MUC7: variants seen among roughly 807,000 people sequenced by gnomAD.
The protein encoded by MUC7 is mucin-7.
Under a neutral mutation model 2.5 loss-of-function variants are expected in MUC7, and 2 were observed. The ratio of observed to expected loss-of-function variants is 0.81; its 90% CI spans 0.33 to 2.55. The LOEUF (loss-of-function observed/expected upper bound fraction) is 2.55, where lower values mean the gene tolerates loss of function less well. Ranked by LOEUF, MUC7 falls within the 30% of genes most tolerant of loss-of-function variation. MUC7 has a pLI of 0.11. For synonymous variants in MUC7, 133 were observed against 173.4 expected (o/e 0.77, Z 1.83); for missense variants, 408 against 455.6 (o/e 0.90, Z 0.95).
intron 2 of MUC7, among the ~76,000 whole-genome samples, chr4:70,476,335 T>C (rs1209906323): frequency 6.6e-6 from 1 of 152,180 alleles, no homozygotes; most frequent in Non-Finnish European, 1.5e-5. Flanking sequence ...ACACAAGTCA[T>C]GTTATTGTGA....
intron 1 of MUC7, among the ~76,000 whole-genome samples, chr4:70,455,336 T>C (rs1274742434): frequency 6.6e-6 from 1 of 152,216 alleles, no homozygotes; most frequent in African/African-American, 2.4e-5. Flanking sequence ...TTTTATCATA[T>C]TTTAAGTCAT....
intron 1 of MUC7, among the ~76,000 whole-genome samples, chr4:70,439,637 C>T (rs1011241772): frequency 1.9e-4 from 29 of 151,840 alleles, no homozygotes; most frequent in African/African-American, 6.3e-4. Flanking sequence ...TGATTTTGTT[C>T]ACACTTTTCC....
chr4:70,430,818 T>C (rs1232543820), intron 1 of MUC7: 1 of 152,182 alleles, frequency 6.6e-6, no homozygotes, highest in Non-Finnish European at 1.5e-5. Context: ...TTCTTCTAGA[T>C]TAAAATATGG....
intron 1 of MUC7, among the ~76,000 whole-genome samples, chr4:70,460,243 G>A (rs1041912437): frequency 3.9e-5 from 6 of 152,114 alleles, no homozygotes; most frequent in African/African-American, 1.2e-4. Context: ...TAGGATAGAA[G>A]ATTAAATTGT....
Position 70,481,514 on chromosome 4 carries a change from C to A in MUC7, c.770C>A (p.Thr257Asn). The A allele has an allele frequency of 6.2e-7, 1 of 1,606,500 alleles. No homozygotes were observed. The highest frequency in any genetic ancestry group is 8.5e-7 in the Non-Finnish European group (1 of 1,177,212). ...CTATCTTCCTCAGCTCCACCAGAGA[C>A]CACAGCTGTCCCACCCACACCTTCT... ...APLSSSAPPE[T>N]TAVPPTPSAT... Residue 257 changes from threonine (T) to asparagine (N), a missense_variant, in exon 3 of 3, where the codon ACC (threonine) becomes AAC (asparagine). Thr to Asn is a moderately conservative substitution (Grantham distance 65). This residue lies in a region of MUC7 where 175 missense variants were observed against 187.1 expected (regional missense o/e 0.94). Coordinates refer to ENST00000304887, the MANE Select transcript of MUC7 (RefSeq NM_152291.3).
Position 70,481,475 on chromosome 4 carries a change from C to G in MUC7, c.731C>G (p.Thr244Ser). ...TTAAPPTPSA[T>S]TPAPLSSSAP... ...GCTGCCCCACCCACACCTTCTGCAACTACACCAGCTCCACTATCTTCCTCA... is the reference window on the plus strand; with the variant it reads ...GCTGCCCCACCCACACCTTCTGCAAGTACACCAGCTCCACTATCTTCCTCA... The change falls in exon 3 of 3, where the codon ACT (threonine) becomes AGT (serine). Residue 244 changes from threonine (T) to serine (S), a missense_variant. Around this residue, in one of 3 missense-constraint regions of MUC7, gnomAD observed 175 missense variants for 187.1 expected, o/e 0.94. Transcript: ENST00000304887. 2.0e-6 allele frequency: 3 copies of G among 1,501,754 alleles called. No homozygotes were observed. The highest frequency in any genetic ancestry group is 2.7e-6 in the Non-Finnish European group (3 of 1,120,380). 93.0% of individuals were successfully genotyped at this position (1,501,754 alleles called of 1,614,324 possible). A position where few individuals can be genotyped will look rare whatever the true frequency, so the allele number is the denominator to read the frequency against.
At chr4:70,480,054 C>T (rs115690560) in intron 2 of MUC7, among the ~76,000 whole-genome samples, 1 of 152,184 alleles carries the variant, frequency 6.6e-6, no homozygotes, top group African/African-American at 2.4e-5. Flanking sequence ...TGGACTGGAT[C>T]AGTGTTCTTT....
chr4:70,451,006 A>G (rs553009044), intron 1 of MUC7, among the ~76,000 whole-genome samples: 1 of 151,946 alleles, frequency 6.6e-6, no homozygotes, highest in South Asian at 2.1e-4. Context: ...GAGCTGGTTC[A>G]CCACTAGGAC....
intron 2 of MUC7, among the ~76,000 whole-genome samples, chr4:70,475,329 G>A (rs769684815): frequency 6.6e-6 from 1 of 152,104 alleles, no homozygotes; most frequent in Non-Finnish European, 1.5e-5. Flanking sequence ...TTTGGGGCAT[G>A]TTACATTTGA....
In MUC7 at chr4:70,480,848, A is replaced by T; in HGVS notation, c.104A>T (p.His35Leu). 2 of 1,614,122 alleles carry T rather than the reference A, an allele frequency of 1.2e-6. No homozygotes were observed. The highest frequency in any genetic ancestry group is 1.7e-6 in the Non-Finnish European group (2 of 1,179,982). Residue 35 changes from histidine (H) to leucine (L), a missense_variant, in exon 3 of 3, where the codon CAT (histidine) becomes CTT (leucine). Around this residue, in one of 3 missense-constraint regions of MUC7, gnomAD observed 225 missense variants for 240.5 expected, o/e 0.94. Coordinates refer to ENST00000304887, the MANE Select transcript of MUC7 (RefSeq NM_152291.3). ...CATGAACTACGTCACAGAAGGCATCATCACCAATCACCCAAATCTCACTTT... is the reference window on the plus strand; with the variant it reads ...CATGAACTACGTCACAGAAGGCATCTTCACCAATCACCCAAATCTCACTTT... ...RDHELRHRRH[H>L]HQSPKSHFEL...
At chr4:70,457,182 C>A (rs992218508) in intron 1 of MUC7, among the ~76,000 whole-genome samples, 1 of 152,086 alleles carries the variant, frequency 6.6e-6, no homozygotes, top group South Asian at 2.1e-4. Context: ...GTGGCTCATA[C>A]CTGTCATCCC....
chr4:70,449,380 G>T (rs145534232), intron 1 of MUC7, among the ~76,000 whole-genome samples: 1 of 152,068 alleles, frequency 6.6e-6, no homozygotes, highest in African/African-American at 2.4e-5. Context: ...ACCGAAAGGG[G>T]TTTCCCCTTA....
chr4:70,463,384 C>A (rs771578756), intron 1 of MUC7, among the ~76,000 whole-genome samples: 23 of 152,280 alleles, frequency 1.5e-4, no homozygotes, highest in Admixed American at 2.6e-4. Flanking sequence ...ACCATGAATT[C>A]TTTTTAAATC....
intron 1 of MUC7, among the ~76,000 whole-genome samples, chr4:70,454,118 G>C (rs564141526): frequency 3.9e-5 from 6 of 152,100 alleles, no homozygotes; most frequent in African/African-American, 1.4e-4. Flanking sequence ...CTAGGGGAAG[G>C]GTGGCACAGG....
At chr4:70,468,214 T>G (rs1734730235), upstream of MUC7, among the ~76,000 whole-genome samples, 1 of 152,168 alleles carries the variant, frequency 6.6e-6, no homozygotes, top group Non-Finnish European at 1.5e-5. Flanking sequence ...CACCCCTTCA[T>G]GCTAAAAACT....
intron 1 of MUC7, among the ~76,000 whole-genome samples, chr4:70,435,736 C>T (rs1400808862): frequency 1.3e-5 from 2 of 152,144 alleles, no homozygotes; most frequent in Admixed American, 6.5e-5. Context: ...GAATTTGATC[C>T]TGTCGTTATG....
chr4:70,441,148 A>G (rs1733995382), intron 1 of MUC7, among the ~76,000 whole-genome samples: 1 of 152,208 alleles, frequency 6.6e-6, no homozygotes, highest in South Asian at 2.1e-4. Context: ...TGAGTAGAGA[A>G]GCAGACAGAT....
intron 1 of MUC7, among the ~76,000 whole-genome samples, chr4:70,439,616 G>A (rs1553918009): frequency 1.3e-5 from 2 of 151,998 alleles, no homozygotes; most frequent in Non-Finnish European, 2.9e-5. Flanking sequence ...TTATCTTAAA[G>A]TGTTATGTTA....
chr4:70,437,069 G>T (rs938726552), intron 1 of MUC7, among the ~76,000 whole-genome samples: 1 of 152,122 alleles, frequency 6.6e-6, no homozygotes, highest in South Asian at 2.1e-4. Context: ...CCTTCCTCTG[G>T]AAGCTTCATC....
Sources: gnomAD v4.1 joint callset for allele counts (sites outside exome capture counted in the v4.1 genomes callset) on GRCh38, gnomAD v4.1.1 for gene constraint, gnomAD v4.1.1 regional missense constraint, MANE v1.5 for transcripts, NCBI Gene and HGNC (gene_info 2026-07-23, HGNC 2026-07-21) for gene names.